Variants in METAP1 observed in about 807,000 individuals in gnomAD.
METAP1 encodes the protein methionine aminopeptidase 1.
Under a neutral mutation model 53.8 loss-of-function variants are expected in METAP1, and 28 were observed. The observed-to-expected ratio is 0.52, with a 90% CI of 0.39 to 0.71. METAP1 has a LOEUF of 0.71. Ranked by LOEUF, METAP1 falls within the 30% of genes least tolerant of loss-of-function variation. METAP1 has a pLI of 0.00. For missense variants in METAP1, 389 were observed against 479.8 expected, an observed-to-expected ratio of 0.81 and a Z score of 1.77; for synonymous variants, 181 against 165.7, an observed-to-expected ratio of 1.09 and a Z score of -0.71.
chr4:99,030,544 T>C (rs957535657), intron 2 of METAP1, among the ~76,000 whole-genome samples: 2 of 152,116 alleles, frequency 1.3e-5, no homozygotes, highest in African/African-American at 4.8e-5. Context: ...GCTCTGTATC[T>C]TTCATACCCT....
chr4:98,998,333 G>A (rs1722736707), intron 1 of METAP1, among the ~76,000 whole-genome samples: 1 of 152,064 alleles, frequency 6.6e-6, no homozygotes, highest in African/African-American at 2.4e-5. Context: ...GACCAGACTG[G>A]GCAACATGTC....
intron 1 of METAP1, among the ~76,000 whole-genome samples, chr4:98,998,211 C>A (rs767433977): frequency 1.3e-5 from 2 of 152,150 alleles, no homozygotes; most frequent in African/African-American, 2.4e-5. Context: ...ATTCTAAGCG[C>A]TTTATACATC....
intron 5 of METAP1, 42 bp downstream of exon 5, chr4:99,039,507 C>T: frequency 2.5e-6 from 3 of 1,195,334 alleles, no homozygotes; most frequent in South Asian, 1.3e-5. Context: ...AATGTTTAAG[C>T]AGTACTTAGA....
chr4:99,059,334 AATTTGTGTAAAGGCC>A (rs576087116), intron 10 of METAP1, among the ~76,000 whole-genome samples: 62 of 152,302 alleles, frequency 4.1e-4, no homozygotes, highest in African/African-American at 9.6e-4. Context: ...TAATGTTTTA[AATTTGTGTAAAGGCC>A]ATTTGTGTAA....
intron 8 of METAP1, among the ~76,000 whole-genome samples, chr4:99,046,542 C>T (rs1011362158): frequency 6.6e-6 from 1 of 152,170 alleles, no homozygotes; most frequent in Admixed American, 6.5e-5. Flanking sequence ...ACCTGCAATC[C>T]TCCCCAGTCT....
Position 99,048,759 on chromosome 4 carries a change from T to G in METAP1, c.814T>G (p.Leu272Val). 1 of 1,613,980 alleles carries G rather than the reference T, an allele frequency of 6.2e-7. No homozygotes were observed. Among genetic ancestry groups the G allele is most frequent in the Non-Finnish European group, 8.5e-7 (1 of 1,179,858 alleles). ...AVKPGVRYRE[L>V]GNIIQKHAQA... ...GAAGCCTGGTGTTCGGTACAGAGAA[T>G]TGGGAAACATTATCCAGAAGCATGC... The change falls in exon 9 of 11, where the codon TTG becomes GTG. Residue 272 changes from leucine (L) to valine (V), a missense_variant. Physicochemically the swap from Leu to Val is conservative, Grantham distance 32 (BLOSUM62 1). Coordinates refer to ENST00000296411, the MANE Select transcript of METAP1 (RefSeq NM_015143.3).
At chr4:99,033,115 GTC>G (rs367739170) in intron 2 of METAP1, among the ~76,000 whole-genome samples, 2 of 152,240 alleles carry the variant, frequency 1.3e-5, no homozygotes, top group African/African-American at 4.8e-5. Flanking sequence ...GAACCACACA[GTC>G]TCTGTTTCCT....
chr4:99,016,027 G>GGATCCTTCCCAGGCTGGCTC (rs1723744612), intron 1 of METAP1, among the ~76,000 whole-genome samples: 2 of 152,114 alleles, frequency 1.3e-5, no homozygotes, highest in Non-Finnish European at 2.9e-5. Flanking sequence ...ACATGAGGTA[G>GGATCCTTCCCAGGCTGGCTC]GATCCTTCCC....
chr4:99,012,302 G>T (rs1299205104), intron 1 of METAP1, among the ~76,000 whole-genome samples: 1 of 135,540 alleles, frequency 7.4e-6, no homozygotes, highest in South Asian at 2.4e-4. Context: ...ACAGTGTCTC[G>T]CTCTGTCACC....
At chr4:99,024,324 A>T (rs924787067) in intron 1 of METAP1, among the ~76,000 whole-genome samples, 4 of 152,150 alleles carry the variant, frequency 2.6e-5, no homozygotes, top group African/African-American at 9.7e-5. Flanking sequence ...TTGAGACAGG[A>T]GTCTTGCCGA....
At chr4:99,039,297 C>A in intron 4 of METAP1, 77 bp from the exon 5 acceptor site, 1 of 822,870 alleles carries the variant, frequency 1.2e-6, no homozygotes, top group Non-Finnish European at 2.0e-6. Context: ...GTTTTTATGC[C>A]ACAGGTTTAT....
chr4:99,017,416 T>C (rs1274621512), intron 1 of METAP1, among the ~76,000 whole-genome samples: 5 of 152,198 alleles, frequency 3.3e-5, no homozygotes, highest in South Asian at 2.1e-4. Context: ...TCCTCAAGAG[T>C]TTCTCCATCC....
chr4:99,061,394 AC>A lies in METAP1; in HGVS notation c.*79del. ...ATTGAGAGTACAGAAAGGAAGAGGA[AC>A]CTTTTTTTAATCACTTGTTTTGTTT... is the stretch of plus-strand genomic sequence containing the variant. On this transcript the variant is annotated 3_prime_UTR_variant, in exon 11 of 11. Transcript: ENST00000296411. 7.5e-7 allele frequency: 1 copy of A among 1,340,356 alleles called. No homozygotes were observed. The highest frequency in any genetic ancestry group is 1.5e-5 in the African/African-American group (1 of 66,914). The allele number at this position is 1,340,356 out of a possible 1,614,324, so 83.0% of individuals were successfully genotyped here.
chr4:99,023,702 T>C (rs1385877549), intron 1 of METAP1: 16 of 985,386 alleles, frequency 1.6e-5, no homozygotes, highest in Non-Finnish European at 1.9e-5. Context: ...TGGGGAGATA[T>C]GTTGTGAAGC....
At chr4:99,046,953 A>AAAAAAAAAAG (rs1560730243) in intron 8 of METAP1, among the ~76,000 whole-genome samples, 6 of 149,034 alleles carry the variant, frequency 4.0e-5, no homozygotes, top group African/African-American at 1.5e-4. Context: ...AAAAAAAAAA[A>AAAAAAAAAAG]AAAAAGAAAA....
chr4:99,000,655 CTT>C (rs781035164), intron 1 of METAP1, among the ~76,000 whole-genome samples: 62 of 112,552 alleles, frequency 5.5e-4, no homozygotes, highest in East Asian at 5.1e-4. Context: ...GGAAGAAAGT[CTT>C]TTTTTTTTTT....
intron 9 of METAP1, among the ~76,000 whole-genome samples, chr4:99,055,875 AG>A (rs1727078701): frequency 6.6e-6 from 1 of 152,222 alleles, no homozygotes; most frequent in Admixed American, 6.5e-5. Context: ...ATATGTATTA[AG>A]CATGTCATTT....
At chr4:99,029,886 G>A (rs1724872737) in intron 2 of METAP1, among the ~76,000 whole-genome samples, 1 of 152,146 alleles carries the variant, frequency 6.6e-6, no homozygotes, top group South Asian at 2.1e-4. Context: ...TGTATAAAGC[G>A]ACATCTACAT....
chr4:99,058,393 T>C (rs17028457), intron 10 of METAP1, among the ~76,000 whole-genome samples: 6,584 of 152,148 alleles, frequency 0.043, 410 homozygotes, highest in African/African-American at 0.15. Context: ...CGTGGCATCA[T>C]ATAGCTATTG....
Sources: allele counts gnomAD v4.1 joint callset (sites outside exome capture counted in the v4.1 genomes callset), GRCh38; gene constraint gnomAD v4.1.1; transcripts MANE v1.5; gene names NCBI Gene and HGNC (gene_info 2026-07-23, HGNC 2026-07-21).